Variants in SLC35F4 observed in about 807,000 individuals in gnomAD.
SLC35F4 encodes chromosome 14 open reading frame 36.
In SLC35F4, 24 loss-of-function variants were observed where a neutral mutation model predicts 44.2. The ratio of observed to expected loss-of-function variants is 0.54; its 90% CI spans 0.39 to 0.76. The LOEUF (loss-of-function observed/expected upper bound fraction) is 0.76. SLC35F4 is among the 30% of genes least tolerant of loss of function. SLC35F4 has a pLI of 0.00. For missense variants in SLC35F4, 562 were observed against 586.1 expected, an observed-to-expected ratio of 0.96 and a Z score of 0.42; for synonymous variants, 238 against 223.6, an observed-to-expected ratio of 1.06 and a Z score of -0.57.
At chr14:57,636,849 C>CTT (rs944756222) in intron 1 of SLC35F4, among the ~76,000 whole-genome samples, 1 of 152,062 alleles carries the variant, frequency 6.6e-6, no homozygotes, top group African/African-American at 2.4e-5. Flanking sequence ...TTATTAGAGA[C>CTT]TTTTTAATGA....
intron 1 of SLC35F4, among the ~76,000 whole-genome samples, chr14:57,717,955 C>T (rs1238039993): frequency 6.6e-6 from 1 of 152,166 alleles, no homozygotes; most frequent in Non-Finnish European, 1.5e-5. Flanking sequence ...TGATAGCACT[C>T]TTATTCACTC....
intron 1 of SLC35F4, among the ~76,000 whole-genome samples, chr14:57,645,654 A>G (rs58609941): frequency 0.33 from 49,729 of 150,788 alleles, 9,196 homozygotes; most frequent in East Asian, 0.48. Flanking sequence ...AACTTCCAAC[A>G]CTATGTTGAA....
chr14:57,800,579 G>C (rs976136931), intron 1 of SLC35F4, among the ~76,000 whole-genome samples: 4 of 152,062 alleles, frequency 2.6e-5, no homozygotes, highest in African/African-American at 9.7e-5. Flanking sequence ...TGAGCTAAAG[G>C]GGCATGTTGT....
chr14:57,892,860 T>C (rs573473881), intron 1 of SLC35F4, among the ~76,000 whole-genome samples: 1 of 152,186 alleles, frequency 6.6e-6, no homozygotes, highest in Non-Finnish European at 1.5e-5. Flanking sequence ...CTGTGCATTC[T>C]TCTAAGGTTT....
chr14:57,780,632 CAAAAGAACA>C (rs1431438436), intron 1 of SLC35F4, among the ~76,000 whole-genome samples: 2 of 151,860 alleles, frequency 1.3e-5, no homozygotes, highest in Non-Finnish European at 2.9e-5. Flanking sequence ...ATAGCCAAGG[CAAAAGAACA>C]AAAAGAACAA....
intron 1 of SLC35F4, among the ~76,000 whole-genome samples, chr14:57,923,697 T>G (rs1011703506): frequency 6.6e-6 from 1 of 152,196 alleles, no homozygotes; most frequent in Non-Finnish European, 1.5e-5. Flanking sequence ...TGGATTGACT[T>G]AGATCTTTAG....
At chr14:57,578,731 A>T (rs1024226619) in intron 4 of SLC35F4, 4 of 152,148 alleles carry the variant, frequency 2.6e-5, no homozygotes, top group Admixed American at 1.3e-4. Flanking sequence ...CCTGACACTA[A>T]TGCTTACTAT....
At chr14:57,802,486 T>C (rs148967640) in intron 1 of SLC35F4, among the ~76,000 whole-genome samples, 218 of 137,370 alleles carry the variant, frequency 1.6e-3, no homozygotes, top group African/African-American at 5.6e-3. Flanking sequence ...CTCAAGGAGA[T>C]AGAGACACAA....
chr14:57,910,483 G>T (rs117292103), intron 1 of SLC35F4, among the ~76,000 whole-genome samples: 15 of 152,126 alleles, frequency 9.9e-5, no homozygotes, highest in Non-Finnish European at 2.1e-4. Flanking sequence ...TATGAATGGT[G>T]TAAGATCTGT....
At chr14:57,797,618 G>T (rs4402474) in intron 1 of SLC35F4, among the ~76,000 whole-genome samples, 67,385 of 151,930 alleles carry the variant, frequency 0.44, 16,497 homozygotes, top group East Asian at 0.68. Context: ...CACCTAAAAC[G>T]TATATAAATC....
At chr14:57,835,768 G>A (rs573995614) in intron 1 of SLC35F4, among the ~76,000 whole-genome samples, 3 of 152,234 alleles carry the variant, frequency 2.0e-5, no homozygotes, top group South Asian at 4.1e-4. Context: ...TTCCAGCCTC[G>A]CTAGTCTGTC....
At chr14:57,646,084 C>A (rs925507295) in intron 1 of SLC35F4, among the ~76,000 whole-genome samples, 1 of 152,062 alleles carries the variant, frequency 6.6e-6, no homozygotes, top group Non-Finnish European at 1.5e-5. Context: ...CTAAAATTAT[C>A]TTTTTTTGTT....
chr14:57,874,600 C>A (rs938803771), intron 1 of SLC35F4, among the ~76,000 whole-genome samples: 14 of 152,180 alleles, frequency 9.2e-5, no homozygotes, highest in Non-Finnish European at 8.8e-5. Flanking sequence ...CTCGATGAGT[C>A]TCTGGAAGCC....
intron 1 of SLC35F4, among the ~76,000 whole-genome samples, chr14:57,741,076 C>T (rs2076594447): frequency 6.6e-6 from 1 of 152,222 alleles, no homozygotes; most frequent in Non-Finnish European, 1.5e-5. Flanking sequence ...AAAACCCCAT[C>T]TGTACATTAC....
At chr14:57,858,255 C>T (rs569796134) in intron 1 of SLC35F4, among the ~76,000 whole-genome samples, 3 of 151,946 alleles carry the variant, frequency 2.0e-5, no homozygotes, top group Non-Finnish European at 4.4e-5. Flanking sequence ...GCACTATTCA[C>T]AATAGCAAAG....
intron 1 of SLC35F4, among the ~76,000 whole-genome samples, chr14:57,941,112 A>T (rs1889909810): frequency 6.6e-6 from 1 of 152,034 alleles, no homozygotes; most frequent in African/African-American, 2.4e-5. Context: ...ATAATAATGC[A>T]ATCTCTGTGG....
chr14:57,868,095 A>T (rs1013284956), upstream of SLC35F4, among the ~76,000 whole-genome samples: 1 of 152,354 alleles, frequency 6.6e-6, no homozygotes, highest in African/African-American at 2.4e-5. Context: ...GGATCTGATC[A>T]TTCATATAAA....
intron 1 of SLC35F4, among the ~76,000 whole-genome samples, chr14:57,765,192 A>G (rs1258378335): frequency 6.6e-6 from 1 of 152,238 alleles, no homozygotes; most frequent in African/African-American, 2.4e-5. Flanking sequence ...AAATGCATTA[A>G]TGCTGTGCTA....
chr14:57,935,722 A>G lies in SLC35F4; in HGVS notation n.282+46191T>C, dbSNP rs559257025. Among the ~76,000 whole-genome samples, 443 of 152,324 alleles carry G rather than the reference A, an allele frequency of 2.9e-3. 3 individuals carry two copies. Among genetic ancestry groups the G allele is most frequent in the African/African-American group, 0.01 (427 of 41,570 alleles). ...TCATTGCCATTACTTTACCATACCC[A>G]TATATCCTGTTTCTCCAGAGACATA... is the stretch of plus-strand genomic sequence containing the variant. On this transcript the variant is annotated intron_variant and non_coding_transcript_variant, in intron 1 of 1. Coordinates refer to the SLC35F4 transcript ENST00000556568.
Sources: allele counts gnomAD v4.1 joint callset (sites outside exome capture counted in the v4.1 genomes callset), GRCh38; gene constraint gnomAD v4.1.1; transcripts MANE v1.5; gene names NCBI Gene and HGNC (gene_info 2026-07-23, HGNC 2026-07-21).